Variants in COPRS observed in about 807,000 individuals in gnomAD.
The protein encoded by COPRS is cooperator of PRMT5.
COPRS carries 11 observed loss-of-function variants against 19.9 expected under a neutral mutation model. That is an observed-to-expected ratio of 0.55 (90% CI 0.35 to 0.92). COPRS has a LOEUF of 0.92. Among genes scored for constraint, COPRS ranks in the 40% least tolerant of loss-of-function variants. The probability of loss-of-function intolerance (pLI) is 0.01; values close to 1 mark genes in which losing one functional copy is unlikely to be tolerated. For missense variants in COPRS, 225 were observed against 229.9 expected (o/e 0.98, Z 0.14); for synonymous variants, 81 against 82.7 (o/e 0.98, Z 0.11).
At chr17:31,856,216 T>C (rs1323568491) in intron 2 of COPRS, among the ~76,000 whole-genome samples, 2 of 150,498 alleles carry the variant, frequency 1.3e-5, no homozygotes, top group Non-Finnish European at 3.0e-5. Context: ...GTGCCTGTAG[T>C]TCCAGCTACT....
At chr17:31,853,057 T>G (rs753034176) in intron 2 of COPRS, 27 bp from the exon 3 acceptor site, 21 of 1,564,568 alleles carry the variant, frequency 1.3e-5, no homozygotes, top group Non-Finnish European at 1.8e-5. Flanking sequence ...AAGATGGCCT[T>G]AGTGACAAAC....
At position 31,853,040 on chromosome 17, in the gene COPRS, C is replaced by T. The variant is rs904062336; in HGVS notation, c.167-10G>A. The T allele has an allele frequency of 2.5e-6, 4 of 1,606,118 alleles. No individual in the cohort carries two copies. The African/African-American group carries it at 5.4e-5, about 22-fold the overall frequency. On this transcript the variant is annotated splice_polypyrimidine_tract_variant and intron_variant, in intron 2 of 3. Coordinates refer to ENST00000302362, the MANE Select transcript of COPRS (RefSeq NM_018405.4). ...CTCTGTGTTCCACGGGCTAAATTGA[C>T]AAAGAGAAGATGGCCTTAGTGACAA...
intron 2 of COPRS, among the ~76,000 whole-genome samples, chr17:31,855,994 C>CA (rs71142093): frequency 0.75 from 99,801 of 132,832 alleles, 37,489 homozygotes; most frequent in Middle Eastern, 0.84. Context: ...AACTCCCTCT[C>CA]AAAAAAAAAA....
chr17:31,854,298 A>T (rs1486577695), intron 2 of COPRS, among the ~76,000 whole-genome samples: 2 of 120,528 alleles, frequency 1.7e-5, no homozygotes, highest in Admixed American at 2.3e-4. Flanking sequence ...TGAACCTGGG[A>T]GGTGGAGGCT....
Position 31,859,126 on chromosome 17 carries a change from G to A in COPRS, c.74C>T (p.Ala25Val). The change falls in exon 1 of 4, where the codon GCG becomes GTG. Residue 25 changes from alanine (A) to valine (V), a missense_variant. Physicochemically the swap from Ala to Val is moderately conservative, Grantham distance 64 (BLOSUM62 0). Coordinates refer to ENST00000302362, the MANE Select transcript of COPRS (RefSeq NM_018405.4). ...CTCCGGGCTGGGGGGCGCCCCCCGC[G>A]CGCTAGGCAGCGGCGGGCCCCGAGA... ...EPSRGPPLPSARGAPPSPEAG... is the reference protein window; with the variant it reads ...EPSRGPPLPSVRGAPPSPEAG... The A allele has an allele frequency of 1.8e-6, 2 of 1,083,162 alleles. No homozygotes were observed. The highest frequency in any genetic ancestry group is 2.2e-6 in the Non-Finnish European group (2 of 896,258). 67.1% of individuals were successfully genotyped at this position (1,083,162 alleles called of 1,614,324 possible). A position where few individuals can be genotyped will look rare whatever the true frequency, so the allele number is the denominator to read the frequency against.
intron 2 of COPRS, among the ~76,000 whole-genome samples, chr17:31,855,317 C>T (rs1375474275): frequency 1.3e-5 from 2 of 152,050 alleles, no homozygotes; most frequent in Non-Finnish European, 2.9e-5. Context: ...CGAGACCATC[C>T]TAACAAGGTA....
At chr17:31,854,274 G>A (rs1177151251) in intron 2 of COPRS, among the ~76,000 whole-genome samples, 1 of 149,954 alleles carries the variant, frequency 6.7e-6, no homozygotes, top group Non-Finnish European at 1.5e-5. Flanking sequence ...AGAGGCTGAG[G>A]TGGGAGGATC....
At chr17:31,858,713 G>T (rs1448963544) in intron 1 of COPRS, 12 of 1,529,294 alleles carry the variant, frequency 7.8e-6, no homozygotes, top group Non-Finnish European at 8.9e-6. Flanking sequence ...ACGGACAGAG[G>T]TCCACAGGTC....
In COPRS at chr17:31,853,621, C is replaced by A. The variant is rs182844549; in HGVS notation, c.167-591G>T. Among the ~76,000 whole-genome samples, 19 of 152,276 alleles carry A rather than the reference C, an allele frequency of 1.2e-4. No individual in the cohort carries two copies. The East Asian group carries it at 3.7e-3, about 29-fold the overall frequency. ...GGTCTTGAACCCCTGACCTTGTGAT[C>A]CACCCGCCTCGGCCTCCCAAAGTGC... On this transcript the variant is annotated intron_variant, in intron 2 of 3. Transcript: ENST00000302362.
rs749770617 is a variant in COPRS, at chr17:31,852,261, C to T, written c.433G>A (p.Val145Met). ...ESISQELKPWVCCAPQGDMIY... is the reference protein window; with the variant it reads ...ESISQELKPWMCCAPQGDMIY... Reference sequence around the variant, plus strand: ...ATGTCTCCTTGTGGGGCACAGCACACCCAAGGTTTAAGCTCTTGAGAAATG... The same window carrying T: ...ATGTCTCCTTGTGGGGCACAGCACATCCAAGGTTTAAGCTCTTGAGAAATG... Residue 145 changes from valine (V) to methionine (M), a missense_variant, in exon 4 of 4, where the codon GTG becomes ATG. By Grantham distance (21) the Val-to-Met change is conservative (BLOSUM62 1). Coordinates refer to ENST00000302362, the MANE Select transcript of COPRS (RefSeq NM_018405.4). The T allele has an allele frequency of 7.4e-6, 12 of 1,613,818 alleles. No individual in the cohort carries two copies. In the African/African-American group the frequency reaches 1.6e-4, roughly 22 times the overall value.
At chr17:31,858,615 G>A (rs1377783102) in intron 1 of COPRS, 2 of 1,033,458 alleles carry the variant, frequency 1.9e-6, no homozygotes, top group Admixed American at 4.2e-5. Flanking sequence ...GAAACCCTGC[G>A]TCAAACAGGG....
intron 1 of COPRS, chr17:31,858,447 G>C: frequency 1.0e-6 from 1 of 982,190 alleles, no homozygotes; most frequent in Non-Finnish European, 1.2e-6. Flanking sequence ...ACTATGCTAG[G>C]CTGTGCAAAC....
intron 1 of COPRS, chr17:31,858,544 C>A (rs1251246259): frequency 1.4e-5 from 6 of 426,374 alleles, no homozygotes; most frequent in Non-Finnish European, 6.3e-6. Context: ...ACTGTAATAA[C>A]GGTCTGTAAC....
intron 2 of COPRS, among the ~76,000 whole-genome samples, chr17:31,855,094 G>T (rs113634150): frequency 6.6e-6 from 1 of 151,852 alleles, no homozygotes; most frequent in African/African-American, 2.4e-5. Context: ...GAAAAAAAAA[G>T]GCCAGGCACG....
intron 2 of COPRS, among the ~76,000 whole-genome samples, chr17:31,854,006 G>C (rs529514791): frequency 3.3e-5 from 5 of 152,296 alleles, no homozygotes; most frequent in Admixed American, 3.3e-4. Context: ...AAGCAATAAA[G>C]TGATAGTTCA....
rs1567771049 is a variant in COPRS, at chr17:31,859,109, T to TG, written c.90dup (p.Ser31GlnfsTer10). The TG allele has an allele frequency of 8.2e-6, 9 of 1,092,984 alleles. No homozygotes were observed. The highest frequency in any genetic ancestry group is 6.4e-5 in the East Asian group (1 of 15,736). The allele number at this position is 1,092,984 out of a possible 1,614,324, so 67.7% of individuals were successfully genotyped here. On this transcript the variant is annotated frameshift_variant, in exon 1 of 4. Coordinates refer to ENST00000302362, the MANE Select transcript of COPRS (RefSeq NM_018405.4). LOFTEE classifies it high-confidence loss of function. The stretch of plus-strand genomic sequence containing the variant: ...CCCCACGCGGCGCTCACCTCCGGGC[T>TG]GGGGGGCGCCCCCCGCGCGCTAGGC...
At position 31,852,983 on chromosome 17, in the gene COPRS, C is replaced by G; in HGVS notation, c.214G>C (p.Gly72Arg). ...IPNDSPARGE[G>R]THSEEEGFAM... Reference sequence around the variant, plus strand: ...AAGCCTTCCTCTTCAGAATGGGTGCCCTCACCCCGGGCAGGACTGTCATTA... The same window carrying G: ...AAGCCTTCCTCTTCAGAATGGGTGCGCTCACCCCGGGCAGGACTGTCATTA... Residue 72 changes from glycine (G) to arginine (R), a missense_variant, in exon 3 of 4, where the codon GGC becomes CGC. This residue lies in a region of COPRS where 170 missense variants were observed against 171.4 expected (regional missense o/e 0.99). Transcript: ENST00000302362. 6.2e-7 allele frequency: 1 copy of G among 1,614,060 alleles called. No individual in the cohort carries two copies. The highest frequency in any genetic ancestry group is 8.5e-7 in the Non-Finnish European group (1 of 1,179,928).
intron 1 of COPRS, chr17:31,858,303 T>G (rs1019609068): frequency 1.1e-6 from 1 of 912,482 alleles, no homozygotes; most frequent in Admixed American, 6.2e-5. Context: ...CTGACAAAAT[T>G]AGTCCCATTC....
At chr17:31,855,376 G>A (rs1341950907) in intron 2 of COPRS, among the ~76,000 whole-genome samples, 11 of 152,204 alleles carry the variant, frequency 7.2e-5, no homozygotes, top group East Asian at 3.9e-4. Context: ...GCGTGGTGGC[G>A]GGTGCCTGTG....
Sources: allele counts gnomAD v4.1 joint callset (sites outside exome capture counted in the v4.1 genomes callset), GRCh38; gene constraint gnomAD v4.1.1; regional missense constraint gnomAD v4.1.1; transcripts MANE v1.5; gene names NCBI Gene and HGNC (gene_info 2026-07-23, HGNC 2026-07-21).